Variants in ECE1 observed in about 807,000 individuals in gnomAD.
ECE1 encodes the protein endothelin-converting enzyme 1.
Under a neutral mutation model 98.6 loss-of-function variants are expected in ECE1, and 35 were observed. The observed-to-expected ratio is 0.35, with a 90% CI of 0.27 to 0.47. The LOEUF is 0.47. ECE1 is among the 20% of genes least tolerant of loss of function. The pLI, the probability that ECE1 is intolerant of heterozygous loss-of-function variation, is 1.00. For synonymous variants in ECE1, 394 were observed against 407.1 expected, an observed-to-expected ratio of 0.97 and a Z score of 0.39; for missense variants, 814 against 1,025.3, an observed-to-expected ratio of 0.79 and a Z score of 2.81.
intron 8 of ECE1, among the ~76,000 whole-genome samples, chr1:21,255,672 G>A (rs1474225470): frequency 1.7e-4 from 26 of 152,190 alleles, no homozygotes; most frequent in Non-Finnish European, 1.8e-4. Flanking sequence ...TCATGACCCC[G>A]AGCCTCCAAG....
chr1:21,332,693 G>A (rs1346392599), intron 1 of ECE1, among the ~76,000 whole-genome samples: 14 of 58,396 alleles, frequency 2.4e-4, no homozygotes, highest in African/African-American at 1.0e-3. Flanking sequence ...GAGGGGAGGA[G>A]AGGGGAGAGG....
chr1:21,260,665 G>A lies in ECE1; in HGVS notation c.494-273C>T, dbSNP rs1041433326. Among the ~76,000 whole-genome samples the A allele has an allele frequency of 6.6e-5, 10 of 152,180 alleles. No homozygotes were observed. Among genetic ancestry groups the A allele is most frequent in the African/African-American group, 2.4e-4 (10 of 41,442 alleles). Reference sequence around the variant, plus strand: ...CCCTCTGCCAGTTGGGTTCACAGACGTGTCCCCGGGTTGACCGCACGTGCC... The same window carrying A: ...CCCTCTGCCAGTTGGGTTCACAGACATGTCCCCGGGTTGACCGCACGTGCC... On this transcript the variant is annotated intron_variant, in intron 4 of 18. Transcript: ENST00000374893. This position sits in a 1 kb window ranked among gnomAD's most constrained non-coding sequence, Gnocchi z 4.3.
chr1:21,305,562 CAAG>C (rs1289934260), intron 1 of ECE1, among the ~76,000 whole-genome samples: 1 of 152,286 alleles, frequency 6.6e-6, no homozygotes, highest in East Asian at 1.9e-4. Context: ...CCACCGGGGC[CAAG>C]AAGGACTCAC....
chr1:21,313,704 G>C (rs1211720582), intron 1 of ECE1, among the ~76,000 whole-genome samples: 1 of 152,162 alleles, frequency 6.6e-6, no homozygotes, highest in Non-Finnish European at 1.5e-5. Flanking sequence ...GTGTGACCCT[G>C]GGTGAGTTGC....
In ECE1 at chr1:21,336,603, G is replaced by A. The variant is rs573267235; in HGVS notation, c.3+8773C>T. On this transcript the variant is annotated intron_variant, in intron 1 of 18. Transcript: ENST00000415912. ...CACCTGTAGTAATCCCAGCACTTTC[G>A]GAGGCCGAGGTGGGCGGATCACGAG... Among the ~76,000 whole-genome samples the A allele has an allele frequency of 1.7e-4, 26 of 152,276 alleles. No individual in the cohort carries two copies. In the South Asian group the frequency reaches 5.2e-3, roughly 30 times the overall value.
intron 1 of ECE1, among the ~76,000 whole-genome samples, chr1:21,337,329 AC>A (rs1339560228): frequency 3.3e-5 from 5 of 152,304 alleles, no homozygotes; most frequent in African/African-American, 1.2e-4. Context: ...AAAACCAGGC[AC>A]AAAAGAGCAC....
intron 1 of ECE1, among the ~76,000 whole-genome samples, chr1:21,303,066 C>T (rs888783013): frequency 6.6e-6 from 1 of 152,232 alleles, no homozygotes; most frequent in African/African-American, 2.4e-5. Flanking sequence ...ATCCACTAGG[C>T]TTCCATCTAC....
intron 15 of ECE1, 21 bp downstream of exon 15, chr1:21,227,910 G>A (rs1312990350): frequency 1.8e-5 from 28 of 1,545,756 alleles, no homozygotes; most frequent in Non-Finnish European, 2.4e-5. Flanking sequence ...AATTGGGGTA[G>A]GGGCCCCAGA....
chr1:21,279,335 G>A lies in ECE1; in HGVS notation c.139-3C>T. On this transcript the variant is annotated splice_region_variant and splice_polypyrimidine_tract_variant and intron_variant, in intron 2 of 18. Transcript: ENST00000374893. ...CTCCGGGGGCTGTGGAAGTTCACCT[G>A]CAGGGAAGGAGGCAGGAGGGGCGGG... 6.2e-7 allele frequency: 1 copy of A among 1,614,162 alleles called. No individual in the cohort carries two copies. The highest frequency in any genetic ancestry group is 1.1e-5 in the South Asian group (1 of 91,090).
intron 8 of ECE1, among the ~76,000 whole-genome samples, chr1:21,251,113 C>T (rs1328104839): frequency 2.6e-5 from 4 of 152,194 alleles, no homozygotes; most frequent in Non-Finnish European, 5.9e-5. Context: ...TCACTCATCT[C>T]TTTGGGTTTA....
rs2098265387 is a variant in ECE1 at position 21,290,347 on chromosome 1, GGCCGC to G, written c.51+12_51+16del. 2.5e-6 allele frequency: 3 copies of G among 1,193,670 alleles called. No homozygotes were observed. The highest frequency in any genetic ancestry group is 1.0e-6 in the Non-Finnish European group (1 of 967,626). The allele number at this position is 1,193,670 out of a possible 1,614,324, so 73.9% of individuals were successfully genotyped here. A position where few individuals can be genotyped will look rare whatever the true frequency, so the allele number is the denominator to read the frequency against. Reference sequence around the variant, plus strand: ...GCCCGCCTCCCGCCCCCGCCCTCCAGGCCGCGCCCGCCTCACCCCCAGCGCCGACA... The same window carrying G: ...GCCCGCCTCCCGCCCCCGCCCTCCAGGCCCGCCTCACCCCCAGCGCCGACA... On this transcript the variant is annotated intron_variant, in intron 1 of 18. Coordinates refer to ENST00000374893, the MANE Select transcript of ECE1 (RefSeq NM_001397.3). The surrounding 1 kb of genome is among the most constrained non-coding windows in gnomAD (Gnocchi z 7.3).
intron 4 of ECE1, among the ~76,000 whole-genome samples, chr1:21,262,993 G>A (rs892706320): frequency 3.9e-5 from 6 of 152,204 alleles, no homozygotes; most frequent in African/African-American, 2.4e-5. Flanking sequence ...AAGGACTCGC[G>A]GGAGCATCTG....
intron 1 of ECE1, among the ~76,000 whole-genome samples, chr1:21,302,557 G>A (rs1458084029): frequency 6.6e-6 from 1 of 152,222 alleles, no homozygotes; most frequent in African/African-American, 2.4e-5. Flanking sequence ...AAGGGCCAGA[G>A]AGGATCTGGA....
chr1:21,295,978 G>T (rs1638341971), intron 1 of ECE1, among the ~76,000 whole-genome samples: 1 of 152,098 alleles, frequency 6.6e-6, no homozygotes, highest in Non-Finnish European at 1.5e-5. Flanking sequence ...GCCCAAGCCT[G>T]CGTGAACCAC....
intron 1 of ECE1, among the ~76,000 whole-genome samples, chr1:21,316,630 C>T (rs1297613056): frequency 6.6e-6 from 1 of 152,020 alleles, no homozygotes; most frequent in Admixed American, 6.6e-5. Context: ...CTCCTGTGGT[C>T]GCCAAGAGAC....
Position 21,288,620 on chromosome 1 carries a change from G to T in ECE1, c.138+1450C>A, listed in dbSNP as rs28367920. On this transcript the variant is annotated intron_variant, in intron 2 of 18. Coordinates refer to ENST00000374893, the MANE Select transcript of ECE1 (RefSeq NM_001397.3). ...GCTGTGAATTCTGAAATGCTTTTGT[G>T]TTGATATATTTAGACCCTTCTGTGG... is the stretch of plus-strand genomic sequence containing the variant. 1.6e-3 allele frequency among the ~76,000 whole-genome samples: 251 copies of T among 152,334 alleles called. 1 individual carries two copies. Among genetic ancestry groups the T allele is most frequent in the African/African-American group, 5.9e-3 (245 of 41,568 alleles).
chr1:21,295,299 C>T (rs1422576240), upstream of ECE1, among the ~76,000 whole-genome samples: 5 of 152,194 alleles, frequency 3.3e-5, no homozygotes, highest in Non-Finnish European at 7.3e-5. Context: ...TTGTTTGAGG[C>T]CAGGAGTTCA....
rs2098172790 is a variant in ECE1 at position 21,225,382 on chromosome 1, C to A, written c.1908G>T (p.Glu636Asp). The change falls in exon 17 of 19, where the codon GAG becomes GAT. Residue 636 changes from glutamate (E) to aspartate (D), a missense_variant. Glu to Asp is a conservative substitution (Grantham distance 45, BLOSUM62 2). Transcript: ENST00000374893. This position sits in a 1 kb window ranked among gnomAD's most constrained non-coding sequence, Gnocchi z 5.3. ...TGCACTCGGTCTGACGCTTGAAGGC[C>A]TCCACGGATGAGTTCTTCCACCATG... Reference protein sequence around the residue: ...LRPWWKNSSVEAFKRQTECMV... With the variant: ...LRPWWKNSSVDAFKRQTECMV... The A allele has an allele frequency of 1.2e-6, 2 of 1,614,260 alleles. No homozygotes were observed. The highest frequency in any genetic ancestry group is 1.7e-6 in the Non-Finnish European group (2 of 1,180,052).
At chr1:21,227,028 T>C in intron 16 of ECE1, 131 bp downstream of exon 16, 1 of 870,548 alleles carries the variant, frequency 1.1e-6, no homozygotes, top group African/African-American at 1.7e-5. Context: ...ACAGCCTAAT[T>C]TTTTTTTTAG....
Sources: allele counts gnomAD v4.1 joint callset (sites outside exome capture counted in the v4.1 genomes callset), GRCh38; gene constraint gnomAD v4.1.1; non-coding constraint Gnocchi (gnomAD v3.1); transcripts MANE v1.5; gene names NCBI Gene and HGNC (gene_info 2026-07-23, HGNC 2026-07-21).